ESPN: variants seen among roughly 807,000 people sequenced by gnomAD.
ESPN encodes espin.
In ESPN, 68 loss-of-function variants were observed where a neutral mutation model predicts 77.7. The ratio of observed to expected loss-of-function variants is 0.87; its 90% CI spans 0.72 to 1.07. The LOEUF (loss-of-function observed/expected upper bound fraction) is 1.07. Ranked by LOEUF, ESPN falls within the 50% of genes least tolerant of loss-of-function variation. The pLI is 0.00. For synonymous variants in ESPN, 449 were observed against 567.1 expected (o/e 0.79, Z 2.96); for missense variants, 1,060 against 1,239.0 (o/e 0.86, Z 2.17).
intron 2 of ESPN, chr1:6,429,762 G>A (rs1414743308): frequency 6.6e-6 from 1 of 152,490 alleles, no homozygotes; most frequent in Admixed American, 6.5e-5. Context: ...TGGCTGTGCT[G>A]TGGAACGCCC....
At chr1:6,459,372 G>A (rs1407450041) in intron 12 of ESPN, among the ~76,000 whole-genome samples, 5 of 151,942 alleles carry the variant, frequency 3.3e-5, no homozygotes, top group African/African-American at 7.3e-5. Flanking sequence ...TCACCACTGC[G>A]CTCCACCCTG....
chr1:6,425,112 C>T lies in ESPN; in HGVS notation c.157C>T (p.Arg53Cys), dbSNP rs1399732971. ...CCGCGCTGGGAAGCTGCACTGTCTG[C>T]GCTTCCTGGTGGAGGAAGCCGCCCT... ...AARAGKLHCL[R>C]FLVEEAALPA... The change falls in exon 1 of 13, where the codon CGC (arginine) becomes TGC (cysteine). Residue 53 changes from arginine to cysteine, a missense_variant. Physicochemically the swap from Arg to Cys is radical, Grantham distance 180. This residue lies in a region of ESPN where 556 missense variants were observed against 633.6 expected (regional missense o/e 0.88). Coordinates refer to ENST00000645284, the MANE Select transcript of ESPN (RefSeq NM_031475.3). 5 of 1,508,254 alleles carry T rather than the reference C, an allele frequency of 3.3e-6. No homozygotes were observed. In the African/African-American group the frequency reaches 4.3e-5, roughly 13 times the overall value. 93.4% of individuals were successfully genotyped at this position (1,508,254 alleles called of 1,614,324 possible).
chr1:6,431,752 G>A (rs1643264669), intron 2 of ESPN, among the ~76,000 whole-genome samples: 1 of 133,450 alleles, frequency 7.5e-6, no homozygotes, highest in South Asian at 2.4e-4. Context: ...ACCACCCAGT[G>A]TCATCTGAGC....
At position 6,452,050 on chromosome 1, in the gene ESPN, G is replaced by A. The variant is rs371306949; in HGVS notation, c.2279G>A (p.Arg760His). Reference sequence around the variant, plus strand: ...GAGTGGAAGCGCCAGGTGATGGTGCGCAAGATGCAGCTGAAGATGCAGGAG... The same window carrying A: ...GAGTGGAAGCGCCAGGTGATGGTGCACAAGATGCAGCTGAAGATGCAGGAG... ...IPEWKRQVMV[R>H]KMQLKMQEEE... Residue 760 changes from arginine (R) to histidine (H), a missense_variant, in exon 10 of 13, where the codon CGC becomes CAC. Physicochemically the swap from Arg to His is conservative, Grantham distance 29. Coordinates refer to ENST00000645284, the MANE Select transcript of ESPN (RefSeq NM_031475.3). 23 of 1,572,422 alleles carry A rather than the reference G, an allele frequency of 1.5e-5. No individual in the cohort carries two copies. Among genetic ancestry groups the A allele is most frequent in the South Asian group, 9.3e-5 (8 of 86,266 alleles).
rs751507854 is a variant in ESPN, at chr1:6,440,434, G to C, written c.669G>C (p.Val223=). 19 of 1,565,146 alleles carry C rather than the reference G, an allele frequency of 1.2e-5. No homozygotes were observed. The highest frequency in any genetic ancestry group is 1.6e-5 in the Non-Finnish European group (19 of 1,158,962). Residue 223 remains valine (V), a synonymous_variant, in exon 3 of 13, where the codon GTG becomes GTC. Transcript: ENST00000645284. ...AAQMGHSPVI[V]WLVSCTDVSL... ...AGATGGGCCACAGCCCAGTCATCGT[G>C]TGGTTGGTGAGCTCCGGGCCCGGGC...
chr1:6,431,349 C>T (rs1643237878), intron 2 of ESPN, among the ~76,000 whole-genome samples: 1 of 152,216 alleles, frequency 6.6e-6, no homozygotes, highest in South Asian at 2.1e-4. Context: ...TGGCTCATGC[C>T]TGTAATCCCA....
At chr1:6,461,154 T>G, downstream of ESPN, 3 of 654,250 alleles carry the variant, frequency 4.6e-6, no homozygotes, top group East Asian at 3.2e-5. The surrounding 1 kb of genome is among the most constrained non-coding windows in gnomAD (Gnocchi z 6.3). Context: ...GAAGCCGTTT[T>G]TGTTTTGTTT....
In ESPN at chr1:6,425,127, G is replaced by A; in HGVS notation, c.172G>A (p.Glu58Lys). ...KLHCLRFLVE[E>K]AALPAAARAR... ...GCACTGTCTGCGCTTCCTGGTGGAG[G>A]AAGCCGCCCTCCCCGCCGCGGCCCG... The change falls in exon 1 of 13, where the codon GAA (glutamate) becomes AAA (lysine). Residue 58 changes from glutamate to lysine, a missense_variant. Glu to Lys is a moderately conservative substitution (Grantham distance 56). Around this residue, in one of 3 missense-constraint regions of ESPN, gnomAD observed 556 missense variants for 633.6 expected, o/e 0.88. Transcript: ENST00000645284. The A allele has an allele frequency of 1.3e-6, 2 of 1,508,780 alleles. No individual in the cohort carries two copies. The highest frequency in any genetic ancestry group is 1.8e-6 in the Non-Finnish European group (2 of 1,136,796). The allele number at this position is 1,508,780 out of a possible 1,614,324, so 93.5% of individuals were successfully genotyped here.
At position 6,424,788 on chromosome 1, in the gene ESPN, A is replaced by G. The variant is rs1223313034; in HGVS notation, c.-168A>G. On this transcript the variant is annotated 5_prime_UTR_variant, in exon 1 of 13. Coordinates refer to ENST00000645284, the MANE Select transcript of ESPN (RefSeq NM_031475.3). The stretch of plus-strand genomic sequence containing the variant: ...GGGCTCCGGCCCCAGAGCGCGGCGG[A>G]GCGGAGCGCCAGGCAGCGCGGAGCG... 5.8e-6 allele frequency: 4 copies of G among 686,542 alleles called. No homozygotes were observed. The South Asian group carries it at 2.0e-4, about 34-fold the overall frequency. The allele number at this position is 686,542 out of a possible 1,614,324, so 42.5% of individuals were successfully genotyped here.
rs376659285 is a variant in ESPN, at chr1:6,460,150, C to A, written c.*4C>A. 1 of 1,610,124 alleles carries A rather than the reference C, an allele frequency of 6.2e-7. No individual in the cohort carries two copies. Among genetic ancestry groups the A allele is most frequent in the Admixed American group, 1.7e-5 (1 of 60,004 alleles). ...GGGGGACATCGCTAAGTACTAGAGGCCGCAGACTCCTGTCCGCAGCCTCGC... is the reference window on the plus strand; with the variant it reads ...GGGGGACATCGCTAAGTACTAGAGGACGCAGACTCCTGTCCGCAGCCTCGC... On this transcript the variant is annotated 3_prime_UTR_variant, in exon 13 of 13. Coordinates refer to ENST00000645284, the MANE Select transcript of ESPN (RefSeq NM_031475.3).
chr1:6,432,851 G>A (rs564232481), intron 2 of ESPN, among the ~76,000 whole-genome samples: 9 of 152,232 alleles, frequency 5.9e-5, no homozygotes, highest in Non-Finnish European at 1.0e-4. Context: ...TGCTGGGTGC[G>A]GTGGCTCACA....
chr1:6,454,153 C>T (rs1283849333), intron 10 of ESPN, among the ~76,000 whole-genome samples: 2 of 152,214 alleles, frequency 1.3e-5, no homozygotes, highest in East Asian at 3.9e-4. Flanking sequence ...ATGGAGACCC[C>T]GTCTGCTGGC....
Position 6,448,621 on chromosome 1 carries a change from C to T in ESPN, c.1465-20C>T. ...TACCGGGCAGGTGCCCGAGCCCCAC[C>T]GGTCACTGTCTTCCCGCAGCTGAGC... On this transcript the variant is annotated intron_variant, in intron 7 of 12. Transcript: ENST00000645284. 1.9e-6 allele frequency: 3 copies of T among 1,552,082 alleles called. No individual in the cohort carries two copies. The highest frequency in any genetic ancestry group is 1.4e-5 in the African/African-American group (1 of 72,160).
intron 10 of ESPN, chr1:6,454,563 G>T: frequency 2.5e-6 from 1 of 398,986 alleles, no homozygotes; most frequent in Admixed American, 4.4e-5. Context: ...GCAGCAAATC[G>T]AGAACCTGCA....
At position 6,424,801 on chromosome 1, in the gene ESPN, G is replaced by T; in HGVS notation, c.-155G>T. ...AGAGCGCGGCGGAGCGGAGCGCCAG[G>T]CAGCGCGGAGCGGAGGCCAGGCCCA... is the stretch of plus-strand genomic sequence containing the variant. On this transcript the variant is annotated 5_prime_UTR_variant, in exon 1 of 13. Transcript: ENST00000645284. 1 of 760,106 alleles carries T rather than the reference G, an allele frequency of 1.3e-6. No homozygotes were observed. Among genetic ancestry groups the T allele is most frequent in the Non-Finnish European group, 1.8e-6 (1 of 564,084 alleles). 47.1% of individuals were successfully genotyped at this position (760,106 alleles called of 1,614,324 possible). A position where few individuals can be genotyped will look rare whatever the true frequency, so the allele number is the denominator to read the frequency against.
In ESPN at chr1:6,448,618, C is replaced by T. The variant is rs1477769162; in HGVS notation, c.1465-23C>T. 6 of 1,551,014 alleles carry T rather than the reference C, an allele frequency of 3.9e-6. No individual in the cohort carries two copies. In the African/African-American group the frequency reaches 4.2e-5, roughly 11 times the overall value. On this transcript the variant is annotated intron_variant, in intron 7 of 12. Coordinates refer to ENST00000645284, the MANE Select transcript of ESPN (RefSeq NM_031475.3). ...GCCTACCGGGCAGGTGCCCGAGCCC[C>T]ACCGGTCACTGTCTTCCCGCAGCTG...
chr1:6,444,687 G>T lies in ESPN; in HGVS notation c.1192+5G>T, dbSNP rs1557706962. ...AGGGCCAGCACCCTCCATGTGGTGAGTGTGCCCAGGAGGAAGACGGGGAGG... is the reference window on the plus strand; with the variant it reads ...AGGGCCAGCACCCTCCATGTGGTGATTGTGCCCAGGAGGAAGACGGGGAGG... On this transcript the variant is annotated splice_donor_5th_base_variant and intron_variant, in intron 6 of 12. Coordinates refer to ENST00000645284, the MANE Select transcript of ESPN (RefSeq NM_031475.3). 6.2e-7 allele frequency: 1 copy of T among 1,614,146 alleles called. No individual in the cohort carries two copies. Among genetic ancestry groups the T allele is most frequent in the Non-Finnish European group, 8.5e-7 (1 of 1,179,976 alleles).
intron 1 of ESPN, among the ~76,000 whole-genome samples, chr1:6,426,569 C>T (rs1379411087): frequency 6.6e-6 from 1 of 152,182 alleles, no homozygotes; most frequent in Non-Finnish European, 1.5e-5. Context: ...GCACGAGGCT[C>T]CTGGGGCCTG....
intron 2 of ESPN, among the ~76,000 whole-genome samples, chr1:6,436,107 G>A (rs1464003632): frequency 6.6e-6 from 1 of 152,196 alleles, no homozygotes; most frequent in Non-Finnish European, 1.5e-5. Context: ...AGGTCTGCGG[G>A]AGAAGGGCAG....
Sources: gnomAD v4.1 joint callset for allele counts (sites outside exome capture counted in the v4.1 genomes callset) on GRCh38, gnomAD v4.1.1 for gene constraint, gnomAD v4.1.1 regional missense constraint, Gnocchi (gnomAD v3.1) non-coding constraint, MANE v1.5 for transcripts, NCBI Gene and HGNC (gene_info 2026-07-23, HGNC 2026-07-21) for gene names.